The following ABCB1 variants were observed in gnomAD, a reference collection of about 807,000 sequenced individuals.
ABCB1 encodes ATP-dependent translocase ABCB1.
In ABCB1, 69 loss-of-function variants were observed where a neutral mutation model predicts 142.0. The ratio of observed to expected loss-of-function variants is 0.49; its 90% confidence interval spans 0.40 to 0.59. ABCB1 has a LOEUF of 0.59. Ranked by LOEUF, ABCB1 falls within the 20% of genes least tolerant of loss-of-function variation. The pLI is 0.00. For missense variants in ABCB1, 1,326 were observed against 1,554.7 expected, an observed-to-expected ratio of 0.85 and a Z score of 2.47; for synonymous variants, 532 against 539.2, an observed-to-expected ratio of 0.99 and a Z score of 0.18.
chr7:87,639,708 C>T (rs903576541), intron 1 of ABCB1, among the ~76,000 whole-genome samples: 1 of 151,988 alleles, frequency 6.6e-6, no homozygotes, highest in South Asian at 2.1e-4. Context: ...GTTATAATAG[C>T]TTTCTTTTAG....
chr7:87,516,276 T>A (rs1815243830), intron 24 of ABCB1, among the ~76,000 whole-genome samples: 1 of 152,158 alleles, frequency 6.6e-6, no homozygotes, highest in African/African-American at 2.4e-5. Context: ...AAAATCTGAT[T>A]AATAGGTTTT....
At position 87,701,866 on chromosome 7, in the gene ABCB1, G is replaced by A. The variant is rs927280277; in HGVS notation, c.-331+11295C>T. 7.9e-5 allele frequency among the ~76,000 whole-genome samples: 12 copies of A among 151,980 alleles called. No homozygotes were observed. In the East Asian group the frequency reaches 1.4e-3, roughly 17 times the overall value. ...AAAATGTAAAACAGAGATACTGGCC[G>A]GGCGCGGTGGCTCACGCCTGTAATC... is the stretch of plus-strand genomic sequence containing the variant. On this transcript the variant is annotated intron_variant, in intron 1 of 28. Transcript: ENST00000265724.
chr7:87,503,874 T>G lies in ABCB1; in HGVS notation c.*369A>C. On this transcript the variant is annotated 3_prime_UTR_variant, in exon 28 of 28. Transcript: ENST00000622132. ...CAAGATGACTCCAGTCACATGAAAG[T>G]TTAGTTTTATTATAGACACTTTATG... The G allele has an allele frequency of 3.7e-6, 1 of 268,358 alleles. No individual in the cohort carries two copies. The highest frequency in any genetic ancestry group is 7.2e-6 in the Non-Finnish European group (1 of 138,566). 16.6% of individuals were successfully genotyped at this position (268,358 alleles called of 1,614,324 possible). A position where few individuals can be genotyped will look rare whatever the true frequency, so the allele number is the denominator to read the frequency against.
At chr7:87,595,098 A>G (rs1422006224) in intron 3 of ABCB1, among the ~76,000 whole-genome samples, 1 of 152,128 alleles carries the variant, frequency 6.6e-6, no homozygotes, top group East Asian at 1.9e-4. Context: ...CACTGAGGTC[A>G]TCAACCAACC....
chr7:87,701,815 T>A (rs1480110210), intron 1 of ABCB1, among the ~76,000 whole-genome samples: 5 of 152,102 alleles, frequency 3.3e-5, no homozygotes, highest in Non-Finnish European at 7.4e-5. Flanking sequence ...CTAATTATCT[T>A]GTAAAGACAC....
chr7:87,503,412 T>C lies in ABCB1; in HGVS notation c.*831A>G, dbSNP rs1354343094. Among the ~76,000 whole-genome samples the C allele has an allele frequency of 6.6e-6, 1 of 152,190 alleles. No individual in the cohort carries two copies. Among genetic ancestry groups the C allele is most frequent in the African/African-American group, 2.4e-5 (1 of 41,460 alleles). ...CATCTGTAAGTCAGAAGGATCACTT[T>C]TGGAAGAGGCCAATTACTGGCAAAA... On this transcript the variant is annotated 3_prime_UTR_variant, in exon 28 of 28. Transcript: ENST00000622132.
chr7:87,548,132 G>A (rs1401840524), intron 14 of ABCB1, among the ~76,000 whole-genome samples: 2 of 86,348 alleles, frequency 2.3e-5, no homozygotes, highest in Non-Finnish European at 4.8e-5. Flanking sequence ...GAGGGAAGGG[G>A]AGGGAAGGGA....
intron 1 of ABCB1, among the ~76,000 whole-genome samples, chr7:87,679,541 C>T (rs1186723768): frequency 6.7e-6 from 1 of 149,968 alleles, no homozygotes; most frequent in Non-Finnish European, 1.5e-5. Flanking sequence ...AGGCACACAC[C>T]ACTACACCCA....
chr7:87,628,912 C>T (rs1279340526), intron 1 of ABCB1: 3 of 1,308,848 alleles, frequency 2.3e-6, no homozygotes, highest in African/African-American at 1.5e-5. Context: ...CGCAATGCTG[C>T]GGTGGAGAGG....
intron 3 of ABCB1, among the ~76,000 whole-genome samples, chr7:87,592,689 G>A (rs1326674829): frequency 6.6e-6 from 1 of 152,156 alleles, no homozygotes; most frequent in African/African-American, 2.4e-5. Flanking sequence ...TCTAAGTCAA[G>A]TTCTTCATCT....
At chr7:87,662,514 T>G (rs1490100613) in intron 1 of ABCB1, among the ~76,000 whole-genome samples, 1 of 152,138 alleles carries the variant, frequency 6.6e-6, no homozygotes, top group East Asian at 1.9e-4. Context: ...GAGACTGTCC[T>G]TTCCCCAATA....
chr7:87,567,545 C>G (rs1389247478), intron 5 of ABCB1, among the ~76,000 whole-genome samples: 1 of 151,974 alleles, frequency 6.6e-6, no homozygotes, highest in Admixed American at 6.6e-5. Context: ...GCCTTTTGGG[C>G]TAGGGATTAT....
At chr7:87,647,840 T>C (rs920022711) in intron 1 of ABCB1, among the ~76,000 whole-genome samples, 2 of 151,910 alleles carry the variant, frequency 1.3e-5, no homozygotes, top group Non-Finnish European at 2.9e-5. Flanking sequence ...AAATGGATAA[T>C]CAAAAAGAGT....
intron 17 of ABCB1, among the ~76,000 whole-genome samples, chr7:87,543,413 G>A (rs1247168346): frequency 6.6e-6 from 1 of 152,142 alleles, no homozygotes; most frequent in Non-Finnish European, 1.5e-5. Flanking sequence ...GACCTGAATA[G>A]TCATATATAT....
intron 25 of ABCB1, among the ~76,000 whole-genome samples, chr7:87,510,064 A>G (rs1472652762): frequency 6.6e-6 from 1 of 152,146 alleles, no homozygotes; most frequent in East Asian, 1.9e-4. Context: ...ATATGAGCCC[A>G]CTGAGACCTA....
chr7:87,612,334 C>A (rs1175812420), intron 1 of ABCB1, among the ~76,000 whole-genome samples: 1 of 152,066 alleles, frequency 6.6e-6, no homozygotes, highest in Non-Finnish European at 1.5e-5. Context: ...AAATTCTTTG[C>A]CCAGGCCAAT....
chr7:87,532,404 C>G (rs911188204), intron 20 of ABCB1, among the ~76,000 whole-genome samples: 2 of 152,172 alleles, frequency 1.3e-5, no homozygotes, highest in African/African-American at 2.4e-5. Flanking sequence ...GTCGCTAAGA[C>G]CTTGCTGATA....
rs115779629 is a variant in ABCB1, at chr7:87,588,514, G to A, written c.118-2834C>T. On this transcript the variant is annotated intron_variant, in intron 3 of 27. Transcript: ENST00000622132. ...CATGCCCTGCAAAGGACGTGATCTCGTTTCTTTTTATGGCTGCATGGTGTT... is the reference window on the plus strand; with the variant it reads ...CATGCCCTGCAAAGGACGTGATCTCATTTCTTTTTATGGCTGCATGGTGTT... Among the ~76,000 whole-genome samples, 464 of 152,208 alleles carry A rather than the reference G, an allele frequency of 3.0e-3. 5 individuals carry two copies. Among genetic ancestry groups the A allele is most frequent in the African/African-American group, 0.011 (438 of 41,538 alleles).
At chr7:87,685,819 T>C (rs767152819) in intron 1 of ABCB1, among the ~76,000 whole-genome samples, 3 of 152,224 alleles carry the variant, frequency 2.0e-5, no homozygotes, top group Admixed American at 6.5e-5. Context: ...GGAATAAATG[T>C]ATAACTCCCC....
Sources: allele counts gnomAD v4.1 joint callset (sites outside exome capture counted in the v4.1 genomes callset), GRCh38; gene constraint gnomAD v4.1.1; transcripts MANE v1.5; gene names NCBI Gene and HGNC (gene_info 2026-07-23, HGNC 2026-07-21).